CELF2: variants seen among roughly 807,000 people sequenced by gnomAD.
CELF2 encodes CUGBP Elav-like family member 2, also known as CUG triplet repeat RNA-binding protein 2.
Under a neutral mutation model 62.6 loss-of-function variants are expected in CELF2, and 8 were observed. The observed-to-expected ratio is 0.13, with a 90% CI of 0.07 to 0.23. The LOEUF (loss-of-function observed/expected upper bound fraction) is 0.23, where lower values mean the gene tolerates loss of function less well. Among genes scored for constraint, CELF2 ranks in the 10% least tolerant of loss-of-function variants. The pLI is 1.00. For missense variants in CELF2, 333 were observed against 671.0 expected, an observed-to-expected ratio of 0.50 and a Z score of 5.56; for synonymous variants, 258 against 250.0, an observed-to-expected ratio of 1.03 and a Z score of -0.30.
At chr10:10,519,315 C>T in the CELF2 span, among the ~76,000 whole-genome samples, 1 of 152,108 alleles carries the variant, frequency 6.6e-6, no homozygotes, top group Non-Finnish European at 1.5e-5. Context: ...AATAAATCTT[C>T]TATGCAAATG....
chr10:10,535,953 C>T, the CELF2 span, among the ~76,000 whole-genome samples: 1 of 151,590 alleles, frequency 6.6e-6, no homozygotes, highest in East Asian at 1.9e-4. Flanking sequence ...TGGGACTGGG[C>T]TGTAACTAGT....
chr10:10,856,401 A>C (rs2059708877), intron 1 of CELF2, among the ~76,000 whole-genome samples: 1 of 152,156 alleles, frequency 6.6e-6, no homozygotes, highest in Non-Finnish European at 1.5e-5. Context: ...AGATCCTCAA[A>C]TAAAACATCT....
intron 2 of CELF2, among the ~76,000 whole-genome samples, chr10:10,969,767 C>A (rs1171758729): frequency 6.6e-6 from 1 of 152,184 alleles, no homozygotes; most frequent in Non-Finnish European, 1.5e-5. Context: ...TATTTCCATA[C>A]AAGCCTTTCC....
At chr10:11,146,175 C>T (rs1410522759) in intron 1 of CELF2, among the ~76,000 whole-genome samples, 1 of 152,206 alleles carries the variant, frequency 6.6e-6, no homozygotes, top group African/African-American at 2.4e-5. Context: ...TTTCCATTTA[C>T]TACACTTCCT....
At chr10:10,794,104 T>G (rs987393464), upstream of CELF2, among the ~76,000 whole-genome samples, 1 of 152,240 alleles carries the variant, frequency 6.6e-6, no homozygotes, top group African/African-American at 2.4e-5. Context: ...AACCCTTGAC[T>G]ATCATTGTTG....
At chr10:10,584,780 A>G in the CELF2 span, among the ~76,000 whole-genome samples, 11 of 152,192 alleles carry the variant, frequency 7.2e-5, no homozygotes, top group African/African-American at 2.7e-4. Flanking sequence ...CCAATGCAGT[A>G]GCCACACGAA....
At position 11,255,528 on chromosome 10, in the gene CELF2, G is replaced by A. The variant is rs574446639; in HGVS notation, c.404-2210G>A. Among the ~76,000 whole-genome samples the A allele has an allele frequency of 3.4e-4, 52 of 152,262 alleles. No homozygotes were observed. The highest frequency in any genetic ancestry group is 1.1e-3 in the African/African-American group (45 of 41,550). On this transcript the variant is annotated intron_variant, in intron 4 of 12. Coordinates refer to ENST00000633077, the MANE Select transcript of CELF2 (RefSeq NM_001326342.2). The surrounding 1 kb of genome is among the most constrained non-coding windows in gnomAD (Gnocchi z 5.5). ...CAGCTTCAATTCCACATCCCCCAGC[G>A]AGCCTTTCTCAAACACCTGGGTGCA...
chr10:10,584,490 T>A, the CELF2 span, among the ~76,000 whole-genome samples: 1 of 152,358 alleles, frequency 6.6e-6, no homozygotes, highest in African/African-American at 2.4e-5. Context: ...AGGTACATAC[T>A]ACTAAGTTAG....
intron 1 of CELF2, among the ~76,000 whole-genome samples, chr10:10,874,583 C>G (rs1037235578): frequency 6.6e-6 from 1 of 152,092 alleles, no homozygotes; most frequent in Non-Finnish European, 1.5e-5. Flanking sequence ...TTGTTCTCAT[C>G]AACCCTAATT....
At chr10:10,913,366 T>C (rs2063980272) in intron 1 of CELF2, among the ~76,000 whole-genome samples, 1 of 150,040 alleles carries the variant, frequency 6.7e-6, no homozygotes, top group Non-Finnish European at 1.5e-5. Flanking sequence ...TATATATGCC[T>C]TTGTAATGAT....
At chr10:11,153,678 G>C (rs532870100) in intron 1 of CELF2, among the ~76,000 whole-genome samples, 295 of 152,328 alleles carry the variant, frequency 1.9e-3, no homozygotes, top group African/African-American at 6.8e-3. Flanking sequence ...AAGGCATTAT[G>C]AATATTGGAT....
chr10:10,570,548 T>C, the CELF2 span, among the ~76,000 whole-genome samples: 1 of 151,956 alleles, frequency 6.6e-6, no homozygotes, highest in East Asian at 1.9e-4. Flanking sequence ...AAGGCTAAAA[T>C]GGGTGGATAT....
At chr10:10,781,368 C>CTGG in the CELF2 span, among the ~76,000 whole-genome samples, 1 of 152,166 alleles carries the variant, frequency 6.6e-6, no homozygotes, top group Admixed American at 6.5e-5. Flanking sequence ...CAAATAAAGA[C>CTGG]ATACAGAAGA....
intron 9 of CELF2, among the ~76,000 whole-genome samples, chr10:11,307,933 G>A (rs2094345375): frequency 6.6e-6 from 1 of 152,228 alleles, no homozygotes; most frequent in Non-Finnish European, 1.5e-5. Context: ...GTGCAAAAAG[G>A]TGGGGAGACT....
chr10:10,781,120 C>T, the CELF2 span, among the ~76,000 whole-genome samples: 6 of 152,310 alleles, frequency 3.9e-5, no homozygotes, highest in East Asian at 7.7e-4. Flanking sequence ...AATCAGTGAT[C>T]TTCACTGAAA....
At chr10:10,585,825 G>C in the CELF2 span, among the ~76,000 whole-genome samples, 1 of 152,006 alleles carries the variant, frequency 6.6e-6, no homozygotes. Context: ...TCAGTTGCTG[G>C]GTAAATACCA....
intron 1 of CELF2, among the ~76,000 whole-genome samples, chr10:11,144,539 A>G (rs2061903422): frequency 6.6e-6 from 1 of 152,092 alleles, no homozygotes; most frequent in South Asian, 2.1e-4. Flanking sequence ...TGTTAAATGA[A>G]GGAAAGAAAC....
intron 8 of CELF2, among the ~76,000 whole-genome samples, chr10:11,287,050 G>A (rs2091491309): frequency 6.6e-6 from 1 of 152,188 alleles, no homozygotes; most frequent in African/African-American, 2.4e-5. Flanking sequence ...AGCTGCGCCC[G>A]TGGCTGGGGG....
At chr10:11,094,149 T>A (rs1230845905) in intron 1 of CELF2, among the ~76,000 whole-genome samples, 1 of 152,214 alleles carries the variant, frequency 6.6e-6, no homozygotes, top group Non-Finnish European at 1.5e-5. Context: ...TTATGAAACA[T>A]GTCTTTGTGG....
Sources: allele counts gnomAD v4.1 joint callset (sites outside exome capture counted in the v4.1 genomes callset), GRCh38; gene constraint gnomAD v4.1.1; non-coding constraint Gnocchi (gnomAD v3.1); transcripts MANE v1.5; gene names NCBI Gene and HGNC (gene_info 2026-07-23, HGNC 2026-07-21).